TMEM44: variants seen among roughly 807,000 people sequenced by gnomAD.
TMEM44 encodes transmembrane protein 44.
A neutral mutation model predicts 47.8 loss-of-function variants in TMEM44; 43 were observed. The observed-to-expected ratio is 0.90, with a 90% CI of 0.70 to 1.16. The LOEUF is 1.16. Ranked by LOEUF, TMEM44 falls within the 50% of genes most tolerant of loss-of-function variation. The pLI is 0.00. For missense variants in TMEM44, 568 were observed against 555.2 expected (o/e 1.02, Z -0.23); for synonymous variants, 277 against 238.8 (o/e 1.16, Z -1.48).
At position 194,623,289 on chromosome 3, in the gene TMEM44, A is replaced by G. The variant is rs553299479; in HGVS notation, c.547T>C (p.Tyr183His). ...LLQENTEILGYLLGSVAAFGS... is the reference protein window; with the variant it reads ...LLQENTEILGHLLGSVAAFGS... ...AAGGCAGCAACGCTACCCAGCAGGT[A>G]GCCGAGGATCTCAGTATTTTCCTGC... The change falls in exon 5 of 10, where the codon TAC becomes CAC. Residue 183 changes from tyrosine to histidine, a missense_variant. Transcript: ENST00000347147. 1.2e-6 allele frequency: 2 copies of G among 1,610,032 alleles called. No individual in the cohort carries two copies. The highest frequency in any genetic ancestry group is 3.4e-5 in the Admixed American group (2 of 59,426).
chr3:194,617,462 C>T (rs1716037498), intron 5 of TMEM44, 193 bp from the exon 6 acceptor site: 2 of 721,726 alleles, frequency 2.8e-6, no homozygotes, highest in East Asian at 2.8e-5. Flanking sequence ...TCCCTCAGAA[C>T]CTGGCTTCAA....
At chr3:194,618,590 A>G (rs1345844761) in intron 5 of TMEM44, among the ~76,000 whole-genome samples, 1 of 148,394 alleles carries the variant, frequency 6.7e-6, no homozygotes, top group Non-Finnish European at 1.5e-5. Context: ...TATATATATA[A>G]TTCAGTTTAT....
chr3:194,592,963 A>C (rs1166248323), intron 9 of TMEM44: 16 of 1,533,886 alleles, frequency 1.0e-5, no homozygotes, highest in Non-Finnish European at 1.3e-5. Flanking sequence ...GCCATCTAAC[A>C]AGGTCTAACA....
chr3:194,592,195 G>A (rs563419173), intron 9 of TMEM44, among the ~76,000 whole-genome samples: 15 of 150,002 alleles, frequency 1.0e-4, no homozygotes, highest in Admixed American at 2.7e-4. Context: ...TCCGCAGTCC[G>A]GCCTGGGCGA....
rs1714859089 is a variant in TMEM44, at chr3:194,607,038, G to A, written c.1018-2593C>T. Among the ~76,000 whole-genome samples, 5 of 152,028 alleles carry A rather than the reference G, an allele frequency of 3.3e-5. No homozygotes were observed. In the South Asian group the frequency reaches 8.3e-4, roughly 25 times the overall value. On this transcript the variant is annotated intron_variant, in intron 8 of 9. Transcript: ENST00000347147. Reference sequence around the variant, plus strand: ...AGTATCTCTCTGCTATGGTTTGGATGTGGTTTGTTTGGCCCCAGCGTGTCT... The same window carrying A: ...AGTATCTCTCTGCTATGGTTTGGATATGGTTTGTTTGGCCCCAGCGTGTCT...
chr3:194,624,086 T>C (rs1716881491), intron 3 of TMEM44, among the ~76,000 whole-genome samples: 1 of 152,196 alleles, frequency 6.6e-6, no homozygotes. Flanking sequence ...GGTACAAGCA[T>C]CGACCCGTGA....
intron 9 of TMEM44, among the ~76,000 whole-genome samples, chr3:194,588,851 C>T (rs1024324995): frequency 6.6e-6 from 1 of 152,100 alleles, no homozygotes; most frequent in Non-Finnish European, 1.5e-5. Context: ...TGAACAACCA[C>T]CCTAAACATA....
intron 6 of TMEM44, 85 bp downstream of exon 6, chr3:194,617,014 A>C: frequency 7.2e-7 from 1 of 1,382,548 alleles, no homozygotes; most frequent in Non-Finnish European, 9.5e-7. Context: ...AAGAGAAAAG[A>C]AGGGTGGGGC....
In TMEM44 at chr3:194,589,548, G is replaced by A. The variant is rs540412117; in HGVS notation, c.1177-909C>T. ...ACACGGTGTTTCCTCTAAACCTGAG[G>A]CTCAGCCGACTTGTCATCACTTAAA... On this transcript the variant is annotated intron_variant, in intron 9 of 9. Coordinates refer to ENST00000347147, the MANE Select transcript of TMEM44 (RefSeq NM_001011655.3). 2.0e-5 allele frequency: 3 copies of A among 149,688 alleles called. No homozygotes were observed. The East Asian group carries it at 5.9e-4, about 30-fold the overall frequency. 9.3% of individuals were successfully genotyped at this position (149,688 alleles called of 1,614,324 possible).
chr3:194,617,271 TG>T lies in TMEM44; in HGVS notation c.613-3del. The T allele has an allele frequency of 1.1e-6, 1 of 923,012 alleles. No individual in the cohort carries two copies. Among genetic ancestry groups the T allele is most frequent in the African/African-American group, 1.8e-5 (1 of 56,994 alleles). 57.2% of individuals were successfully genotyped at this position (923,012 alleles called of 1,614,324 possible). ...GGAGGGAAATGTCTTCCCCCGGCAC[TG>T]GGCAGAGAGAGGGAGGGGCTGGGCG... On this transcript the variant is annotated splice_polypyrimidine_tract_variant and splice_region_variant and intron_variant, in intron 5 of 9. Coordinates refer to ENST00000347147, the MANE Select transcript of TMEM44 (RefSeq NM_001011655.3).
At position 194,617,109 on chromosome 3, in the gene TMEM44, A is replaced by G. The variant is rs969356432; in HGVS notation, c.773T>C (p.Leu258Pro). Residue 258 changes from leucine to proline, a missense_variant, in exon 6 of 10, where the codon CTG (leucine) becomes CCG (proline). Leu to Pro is a moderately conservative substitution (Grantham distance 98). Transcript: ENST00000347147. Reference protein sequence around the residue: ...WFLTSLGRAALDLAIIFLSCV... With the variant: ...WFLTSLGRAAPDLAIIFLSCV... The stretch of plus-strand genomic sequence containing the variant: ...GCCTGGGGTGGATACAGCGAGGTCC[A>G]GTGCCGCACGGCCGAGGGAGGTCAG... 1.9e-6 allele frequency: 3 copies of G among 1,543,168 alleles called. No individual in the cohort carries two copies. The highest frequency in any genetic ancestry group is 2.6e-6 in the Non-Finnish European group (3 of 1,144,336).
chr3:194,596,048 C>T (rs1012869767), intron 9 of TMEM44, among the ~76,000 whole-genome samples: 2 of 151,976 alleles, frequency 1.3e-5, no homozygotes, highest in African/African-American at 4.8e-5. Flanking sequence ...GGCAGAGAAA[C>T]GCAGAGAAGA....
intron 9 of TMEM44, among the ~76,000 whole-genome samples, chr3:194,591,688 C>G (rs1712743315): frequency 6.6e-6 from 1 of 151,788 alleles, no homozygotes; most frequent in Admixed American, 6.6e-5. Flanking sequence ...TCACTGCAAC[C>G]TCTGCCTCCT....
At chr3:194,618,132 T>A (rs898628941) in intron 5 of TMEM44, among the ~76,000 whole-genome samples, 1 of 152,104 alleles carries the variant, frequency 6.6e-6, no homozygotes, top group Non-Finnish European at 1.5e-5. Context: ...AGAGACCGGA[T>A]CAGAAGAGCT....
At chr3:194,620,161 C>A (rs1442281242) in intron 5 of TMEM44, among the ~76,000 whole-genome samples, 4 of 151,814 alleles carry the variant, frequency 2.6e-5, no homozygotes, top group Admixed American at 1.3e-4. Flanking sequence ...CGTGGTGGTG[C>A]ATGCCTGTAG....
At chr3:194,591,409 G>A (rs1004695061) in intron 9 of TMEM44, among the ~76,000 whole-genome samples, 2 of 152,076 alleles carry the variant, frequency 1.3e-5, no homozygotes, top group Non-Finnish European at 2.9e-5. Context: ...CAGGAGAATC[G>A]TTTGAACCCC....
At chr3:194,600,208 C>T (rs1312687673) in intron 9 of TMEM44, among the ~76,000 whole-genome samples, 1 of 152,230 alleles carries the variant, frequency 6.6e-6, no homozygotes, top group Non-Finnish European at 1.5e-5. Context: ...CTTCCCACCT[C>T]AGTCTCCCAA....
At chr3:194,603,385 A>G (rs1284332930) in intron 9 of TMEM44, among the ~76,000 whole-genome samples, 1 of 151,658 alleles carries the variant, frequency 6.6e-6, no homozygotes, top group Non-Finnish European at 1.5e-5. Flanking sequence ...TGGGCAAATC[A>G]GTTTGAGAAG....
intron 6 of TMEM44, 37 bp from the exon 7 acceptor site, chr3:194,615,734 T>C: frequency 3.1e-6 from 5 of 1,609,764 alleles, no homozygotes; most frequent in Non-Finnish European, 4.2e-6. Context: ...AGCAGAATAT[T>C]CCAGCTGCCT....
Sources: allele counts gnomAD v4.1 joint callset (sites outside exome capture counted in the v4.1 genomes callset), GRCh38; gene constraint gnomAD v4.1.1; transcripts MANE v1.5; gene names NCBI Gene and HGNC (gene_info 2026-07-23, HGNC 2026-07-21).